The following INPP4B variants were observed in gnomAD, a reference collection of about 807,000 sequenced individuals.
The protein encoded by INPP4B is inositol polyphosphate-4-phosphatase type II B, also known as inositol polyphosphate 4-phosphatase type II.
Under a neutral mutation model 122.5 loss-of-function variants are expected in INPP4B, and 55 were observed. That is an observed-to-expected ratio of 0.45 (90% CI 0.36 to 0.56). The LOEUF (loss-of-function observed/expected upper bound fraction) is 0.56, where lower values mean the gene tolerates loss of function less well. INPP4B is among the 20% of genes least tolerant of loss of function. The probability of loss-of-function intolerance (pLI) is 0.00; values close to 1 mark genes in which losing one functional copy is unlikely to be tolerated. For synonymous variants in INPP4B, 403 were observed against 388.7 expected, an observed-to-expected ratio of 1.04 and a Z score of -0.43; for missense variants, 1,000 against 1,097.7, an observed-to-expected ratio of 0.91 and a Z score of 1.26.
chr4:142,065,271 A>G (rs1199903030), intron 25 of INPP4B, among the ~76,000 whole-genome samples: 1 of 151,970 alleles, frequency 6.6e-6, no homozygotes, highest in East Asian at 1.9e-4. Context: ...ACACATACAT[A>G]GTGAAAGCCT....
intron 1 of INPP4B, among the ~76,000 whole-genome samples, chr4:142,815,084 T>A (rs1187184139): frequency 6.6e-6 from 1 of 152,138 alleles, no homozygotes; most frequent in African/African-American, 2.4e-5. Context: ...TTCTCTGGTC[T>A]TCCTCCCAAG....
intron 11 of INPP4B, among the ~76,000 whole-genome samples, chr4:142,257,910 A>C (rs1334791459): frequency 6.6e-6 from 1 of 152,224 alleles, no homozygotes; most frequent in African/African-American, 2.4e-5. Context: ...TCCTAAGCCA[A>C]AAGAACAAAG....
At chr4:142,470,092 G>C (rs560289698) in intron 2 of INPP4B, among the ~76,000 whole-genome samples, 1 of 151,588 alleles carries the variant, frequency 6.6e-6, no homozygotes, top group Non-Finnish European at 1.5e-5. Context: ...TTTTGGAGGG[G>C]TCAATTCTAC....
At chr4:142,521,930 A>G (rs1826131007) in intron 2 of INPP4B, among the ~76,000 whole-genome samples, 1 of 152,114 alleles carries the variant, frequency 6.6e-6, no homozygotes, top group Non-Finnish European at 1.5e-5. Context: ...TTTGTTTGGT[A>G]TTGAGAAATA....
chr4:142,559,401 A>C (rs1729961130), intron 2 of INPP4B, among the ~76,000 whole-genome samples: 2 of 152,182 alleles, frequency 1.3e-5, no homozygotes, highest in African/African-American at 4.8e-5. Context: ...ATCAAGATTC[A>C]TTAAAAAATG....
At chr4:142,333,704 G>C (rs1375023465) in intron 7 of INPP4B, among the ~76,000 whole-genome samples, 1 of 151,024 alleles carries the variant, frequency 6.6e-6, no homozygotes, top group Admixed American at 6.6e-5. Flanking sequence ...AACTCAGTTG[G>C]TCCAATGAGT....
intron 11 of INPP4B, among the ~76,000 whole-genome samples, chr4:142,245,976 G>GTGTGTATGTATACATATATA (rs1314399313): frequency 7.2e-5 from 1 of 13,884 alleles, no homozygotes; most frequent in African/African-American, 2.3e-4. Context: ...ATACACACAT[G>GTGTGTATGTATACATATATA]TGTGTATGTA....
At chr4:142,240,265 C>G (rs1460807330) in intron 11 of INPP4B, among the ~76,000 whole-genome samples, 1 of 151,778 alleles carries the variant, frequency 6.6e-6, no homozygotes, top group Non-Finnish European at 1.5e-5. Context: ...AAACTCCAAA[C>G]TCCTGGGCTC....
At chr4:142,475,333 A>T (rs1819631235) in intron 2 of INPP4B, among the ~76,000 whole-genome samples, 3 of 152,160 alleles carry the variant, frequency 2.0e-5, no homozygotes, top group African/African-American at 7.2e-5. Context: ...CAAACAAAAA[A>T]ACATCTAAAG....
At chr4:142,613,529 A>G (rs1159645297) in intron 2 of INPP4B, among the ~76,000 whole-genome samples, 1 of 152,168 alleles carries the variant, frequency 6.6e-6, no homozygotes, top group Non-Finnish European at 1.5e-5. Context: ...GTGTGTAGCT[A>G]TGGCTACAGA....
At chr4:142,295,888 C>G (rs1758484348) in intron 9 of INPP4B, among the ~76,000 whole-genome samples, 1 of 151,948 alleles carries the variant, frequency 6.6e-6, no homozygotes, top group Non-Finnish European at 1.5e-5. Flanking sequence ...TCCAGTGAAG[C>G]AGAAACACAG....
At chr4:142,160,600 G>A (rs1468404692) in intron 16 of INPP4B, 39 bp from the exon 17 acceptor site, 8 of 1,488,082 alleles carry the variant, frequency 5.4e-6, no homozygotes, top group African/African-American at 1.4e-5. Flanking sequence ...CACCTTGGTA[G>A]GCATCTCAGC....
At chr4:142,209,495 A>T (rs925783631) in intron 12 of INPP4B, among the ~76,000 whole-genome samples, 2 of 151,948 alleles carry the variant, frequency 1.3e-5, no homozygotes, top group East Asian at 1.9e-4. Flanking sequence ...ATATTTTTTT[A>T]AAAAAACAAA....
chr4:142,046,815 T>G (rs1403479646), intron 25 of INPP4B, among the ~76,000 whole-genome samples: 1 of 151,976 alleles, frequency 6.6e-6, no homozygotes, highest in Non-Finnish European at 1.5e-5. Context: ...ACTGCAGTGG[T>G]CCCAGTGAAA....
intron 14 of INPP4B, among the ~76,000 whole-genome samples, chr4:142,200,858 C>T (rs1840334693): frequency 1.3e-5 from 2 of 151,996 alleles, no homozygotes; most frequent in African/African-American, 4.8e-5. Context: ...AGTGTAGCAT[C>T]TTATCTAAAT....
chr4:142,203,369 A>G (rs1030401583), intron 14 of INPP4B, among the ~76,000 whole-genome samples: 4 of 152,114 alleles, frequency 2.6e-5, no homozygotes, highest in Non-Finnish European at 5.9e-5. Flanking sequence ...TTATAGCAAA[A>G]TATAATACTT....
chr4:142,530,250 AGT>A lies in INPP4B; in HGVS notation c.-190-67526_-190-67525del, dbSNP rs1827435121. ...TCTGAAGGTCAGGTATCCTAAACTC[AGT>A]GTGTCAGCATGGCTTTATTCCTTCT... On this transcript the variant is annotated intron_variant, in intron 2 of 25. Transcript: ENST00000262992. Among the ~76,000 whole-genome samples the A allele has an allele frequency of 2.0e-5, 3 of 152,204 alleles. No individual in the cohort carries two copies. In the South Asian group the frequency reaches 6.2e-4, roughly 32 times the overall value.
At chr4:142,513,996 T>C (rs1481626544) in intron 2 of INPP4B, among the ~76,000 whole-genome samples, 3 of 152,126 alleles carry the variant, frequency 2.0e-5, no homozygotes, top group Non-Finnish European at 2.9e-5. Context: ...GATTCCAACA[T>C]CTTGAGAGGG....
At chr4:142,410,148 A>G (rs533172062) in intron 5 of INPP4B, among the ~76,000 whole-genome samples, 22 of 152,346 alleles carry the variant, frequency 1.4e-4, no homozygotes, top group Middle Eastern at 6.8e-3. Context: ...GCAATAATCA[A>G]TTTGAAGTAG....
Sources: allele counts gnomAD v4.1 joint callset (sites outside exome capture counted in the v4.1 genomes callset), GRCh38; gene constraint gnomAD v4.1.1; transcripts MANE v1.5; gene names NCBI Gene and HGNC (gene_info 2026-07-23, HGNC 2026-07-21).